Variants in KLF7 observed in about 807,000 individuals in gnomAD.
KLF7 encodes Krueppel-like factor 7.
KLF7 carries 2 observed loss-of-function variants against 27.3 expected under a neutral mutation model. That is an observed-to-expected ratio of 0.07 (90% CI 0.03 to 0.23). The LOEUF is 0.23. KLF7 is among the 10% of genes least tolerant of loss of function. The pLI is 1.00. For missense variants in KLF7, 221 were observed against 394.1 expected (o/e 0.56, Z 3.72); for synonymous variants, 165 against 162.4 (o/e 1.02, Z -0.12).
chr2:207,131,089 C>T (rs554729597), intron 1 of KLF7, among the ~76,000 whole-genome samples: 1 of 152,278 alleles, frequency 6.6e-6, no homozygotes, highest in South Asian at 2.1e-4. Flanking sequence ...GATATAAAAG[C>T]ATGGGAAAGT....
At chr2:207,123,734 G>C (rs2077400929) in intron 2 of KLF7, 40 bp downstream of exon 2, 8 of 1,576,980 alleles carry the variant, frequency 5.1e-6, no homozygotes, top group Non-Finnish European at 8.6e-7. Flanking sequence ...GCTACAGGAG[G>C]GGAAAGAAGA....
chr2:207,124,307 G>C lies in KLF7; in HGVS notation c.200C>G (p.Pro67Arg), dbSNP rs1196134985. ...ACGGAAGCTTTCCTCAATGCACGGG[G>C]GAGGGGAAGCGTGGAGGAAACAGTC... ...DLDCFLHASP[P>R]PCIEESFRRL... The change falls in exon 2 of 4, where the codon CCC (proline) becomes CGC (arginine). Residue 67 changes from proline (P) to arginine (R), a missense_variant. Physicochemically the swap from Pro to Arg is moderately radical, Grantham distance 103 (BLOSUM62 -2). Around this residue, in one of 3 missense-constraint regions of KLF7, gnomAD observed 180 missense variants for 227.9 expected, o/e 0.79. Transcript: ENST00000309446. 1 of 1,613,468 alleles carries C rather than the reference G, an allele frequency of 6.2e-7. No homozygotes were observed. Among genetic ancestry groups the C allele is most frequent in the South Asian group, 1.1e-5 (1 of 91,084 alleles).
intron 3 of KLF7, among the ~76,000 whole-genome samples, chr2:207,085,543 A>G (rs773956795): frequency 1.3e-5 from 2 of 152,164 alleles, no homozygotes; most frequent in African/African-American, 4.8e-5. Flanking sequence ...TGGTGAAGAA[A>G]TGGCACTACT....
At chr2:207,167,284 C>T, upstream of KLF7, 1 of 647,100 alleles carries the variant, frequency 1.5e-6, no homozygotes, top group East Asian at 3.6e-5. Flanking sequence ...TAGGGTTGGC[C>T]AATTGTTTGC....
chr2:207,141,492 G>A (rs1310706404), intron 1 of KLF7, among the ~76,000 whole-genome samples: 2 of 152,158 alleles, frequency 1.3e-5, no homozygotes, highest in Non-Finnish European at 2.9e-5. Flanking sequence ...TGACAATAAT[G>A]AGGGGTGGGG....
intron 2 of KLF7, among the ~76,000 whole-genome samples, chr2:207,089,450 G>A (rs1243392771): frequency 6.6e-6 from 1 of 152,132 alleles, no homozygotes; most frequent in Non-Finnish European, 1.5e-5. Context: ...CTTTGCCTTA[G>A]ACCTTTTTTT....
upstream of KLF7, chr2:207,166,901 G>C: frequency 9.5e-7 from 1 of 1,056,056 alleles, no homozygotes; most frequent in South Asian, 4.5e-5. Context: ...GCCTGCGCCC[G>C]CCCCCCGCTT....
At chr2:207,152,609 C>T (rs780543628) in intron 1 of KLF7, among the ~76,000 whole-genome samples, 7 of 152,234 alleles carry the variant, frequency 4.6e-5, no homozygotes, top group Non-Finnish European at 1.0e-4. Context: ...CGATGATCTA[C>T]AACAGAACCT....
At chr2:207,160,692 T>A (rs2078521718) in intron 1 of KLF7, among the ~76,000 whole-genome samples, 1 of 152,212 alleles carries the variant, frequency 6.6e-6, no homozygotes, top group Non-Finnish European at 1.5e-5. Context: ...GAGTACAATG[T>A]GAAGATTCAT....
chr2:207,146,313 C>T (rs2078094914), intron 1 of KLF7, among the ~76,000 whole-genome samples: 1 of 152,170 alleles, frequency 6.6e-6, no homozygotes, highest in South Asian at 2.1e-4. Flanking sequence ...TCAAGACACA[C>T]TAGAATTAAG....
chr2:207,169,379 G>A (rs2078770709), upstream of KLF7, among the ~76,000 whole-genome samples: 2 of 152,152 alleles, frequency 1.3e-5, no homozygotes, highest in South Asian at 4.1e-4. Context: ...GTAAAGTTTT[G>A]CTTCATTAGT....
At chr2:207,173,614 C>A in the KLF7 span, 1 of 152,020 alleles carries the variant, frequency 6.6e-6, no homozygotes, top group African/African-American at 2.4e-5. Context: ...TACAGTTTAA[C>A]AAAACATTTA....
intron 2 of KLF7, among the ~76,000 whole-genome samples, chr2:207,122,243 G>C (rs2077359633): frequency 6.6e-6 from 1 of 152,152 alleles, no homozygotes; most frequent in Admixed American, 6.5e-5. Flanking sequence ...GAAACCATGA[G>C]TGGGTCTCTA....
chr2:207,168,845 A>T (rs960628287), upstream of KLF7, among the ~76,000 whole-genome samples: 1 of 152,236 alleles, frequency 6.6e-6, no homozygotes, highest in Admixed American at 6.5e-5. Context: ...TGCAAAACAC[A>T]TGCAAGGTAT....
upstream of KLF7, chr2:207,166,833 C>T (rs1364395595): frequency 2.0e-4 from 208 of 1,027,100 alleles, 3 homozygotes; most frequent in Middle Eastern, 4.7e-4. Flanking sequence ...AGAAGAAGCG[C>T]CTGAGGAGGA....
intron 2 of KLF7, among the ~76,000 whole-genome samples, chr2:207,110,476 T>C (rs565390126): frequency 6.6e-6 from 1 of 152,354 alleles, no homozygotes; most frequent in East Asian, 1.9e-4. Context: ...TATGATGGTG[T>C]GGCTCTTCAG....
intron 1 of KLF7, chr2:207,149,181 A>C: frequency 7.8e-7 from 1 of 1,286,530 alleles, no homozygotes; most frequent in Non-Finnish European, 1.0e-6. Context: ...TTCTTTTTGG[A>C]GATGATCTTC....
chr2:207,118,785 T>C (rs1397687459), intron 2 of KLF7, among the ~76,000 whole-genome samples: 2 of 152,238 alleles, frequency 1.3e-5, no homozygotes, highest in Non-Finnish European at 2.9e-5. Flanking sequence ...TTATATGTAT[T>C]TGTTGAATAA....
intron 1 of KLF7, among the ~76,000 whole-genome samples, chr2:207,131,789 G>A (rs931309805): frequency 1.3e-5 from 2 of 152,206 alleles, no homozygotes; most frequent in African/African-American, 4.8e-5. Context: ...TGGCCAGGGA[G>A]ATCTGGTACA....
Sources: allele counts gnomAD v4.1 joint callset (sites outside exome capture counted in the v4.1 genomes callset), GRCh38; gene constraint gnomAD v4.1.1; regional missense constraint gnomAD v4.1.1; transcripts MANE v1.5; gene names NCBI Gene and HGNC (gene_info 2026-07-23, HGNC 2026-07-21).